Variants in NTRK3 observed in about 807,000 individuals in gnomAD.
NTRK3 encodes the protein neurotrophic receptor tyrosine kinase 3.
A neutral mutation model predicts 91.7 loss-of-function variants in NTRK3; 24 were observed. The observed-to-expected ratio is 0.26, with a 90% CI of 0.19 to 0.37. The LOEUF (loss-of-function observed/expected upper bound fraction) is 0.37, where lower values mean the gene tolerates loss of function less well. NTRK3 is among the 10% of genes least tolerant of loss of function. NTRK3 has a pLI of 1.00. For missense variants in NTRK3, 880 were observed against 1,068.9 expected (o/e 0.82, Z 2.46); for synonymous variants, 483 against 404.0 (o/e 1.20, Z -2.34).
chr15:87,912,927 AAAAAATATATATATATAT>A (rs1317325368), intron 17 of NTRK3, among the ~76,000 whole-genome samples: 37 of 96,278 alleles, frequency 3.8e-4, no homozygotes, highest in African/African-American at 4.3e-4. Context: ...AAAAAGTAAA[AAAAAATATATATATATAT>A]ATATATATAT....
intron 13 of NTRK3, among the ~76,000 whole-genome samples, chr15:88,111,152 C>T (rs1286500592): frequency 6.6e-6 from 1 of 152,142 alleles, no homozygotes; most frequent in Admixed American, 6.5e-5. Context: ...TGGTTTGGGG[C>T]TCAATGGCTG....
intron 17 of NTRK3, among the ~76,000 whole-genome samples, chr15:87,896,473 GA>G (rs377592642): frequency 0.2 from 18,911 of 92,586 alleles, 1,260 homozygotes; most frequent in Non-Finnish European, 0.25. Flanking sequence ...CTGTCTCAAA[GA>G]AAAAAAAAAA....
chr15:87,881,547 G>C (rs563677405), intron 17 of NTRK3, among the ~76,000 whole-genome samples: 1 of 151,884 alleles, frequency 6.6e-6, no homozygotes, highest in Non-Finnish European at 1.5e-5. Flanking sequence ...AGCCTCCCGA[G>C]TAGCTGGGAC....
intron 3 of NTRK3, among the ~76,000 whole-genome samples, chr15:88,196,005 C>T (rs1395121222): frequency 1.3e-5 from 2 of 152,192 alleles, no homozygotes; most frequent in African/African-American, 2.4e-5. Context: ...GCATGGAGGA[C>T]TTAATTCACT....
At chr15:88,071,387 T>C (rs2047077575) in intron 13 of NTRK3, among the ~76,000 whole-genome samples, 1 of 152,254 alleles carries the variant, frequency 6.6e-6, no homozygotes, top group South Asian at 2.1e-4. Flanking sequence ...CTGTCACTTC[T>C]GTTTGGGTTT....
chr15:88,030,407 A>C (rs2078418410), intron 14 of NTRK3, among the ~76,000 whole-genome samples: 1 of 152,154 alleles, frequency 6.6e-6, no homozygotes, highest in Non-Finnish European at 1.5e-5. Flanking sequence ...CCAGGCTTCC[A>C]TGGGGACACT....
At chr15:87,963,788 A>T (rs892862975) in intron 14 of NTRK3, among the ~76,000 whole-genome samples, 1 of 152,198 alleles carries the variant, frequency 6.6e-6, no homozygotes, top group African/African-American at 2.4e-5. Context: ...CTCTTGGGGT[A>T]CACATTGGTA....
intron 14 of NTRK3, 92 bp from the exon 15 acceptor site, chr15:87,940,845 C>T: frequency 6.3e-7 from 1 of 1,592,152 alleles, no homozygotes; most frequent in Non-Finnish European, 8.6e-7. Flanking sequence ...GCGTGGAGAA[C>T]TTGGTTCTGA....
intron 14 of NTRK3, among the ~76,000 whole-genome samples, chr15:87,982,416 A>G (rs1371055052): frequency 1.3e-5 from 2 of 152,222 alleles, no homozygotes; most frequent in Admixed American, 6.5e-5. Flanking sequence ...GCATTTCCAA[A>G]GAAGGCCTTA....
chr15:87,897,383 A>G (rs1472182584), intron 17 of NTRK3, among the ~76,000 whole-genome samples: 2 of 152,202 alleles, frequency 1.3e-5, no homozygotes, highest in African/African-American at 4.8e-5. Flanking sequence ...TAGAGCAGAC[A>G]TTTCAACTCC....
intron 14 of NTRK3, among the ~76,000 whole-genome samples, chr15:88,018,784 T>C (rs576145666): frequency 2.5e-4 from 38 of 152,298 alleles, no homozygotes; most frequent in African/African-American, 8.4e-4. Context: ...TTTAAACTGA[T>C]TTTGGTGCCT....
chr15:87,983,618 A>G (rs757454390), intron 14 of NTRK3, among the ~76,000 whole-genome samples: 1 of 152,204 alleles, frequency 6.6e-6, no homozygotes, highest in Non-Finnish European at 1.5e-5. Context: ...CCTTTATAAT[A>G]TGGAAAAACA....
intron 10 of NTRK3, among the ~76,000 whole-genome samples, chr15:88,131,498 C>T (rs971359004): frequency 6.6e-6 from 1 of 152,134 alleles, no homozygotes; most frequent in African/African-American, 2.4e-5. Flanking sequence ...ACCCTTCGTG[C>T]CAACACCCTC....
At chr15:88,081,355 C>T (rs929420971) in intron 13 of NTRK3, among the ~76,000 whole-genome samples, 5 of 152,156 alleles carry the variant, frequency 3.3e-5, no homozygotes, top group African/African-American at 4.8e-5. Flanking sequence ...CCCCTGCCAC[C>T]ACTCCCATCC....
intron 17 of NTRK3, 164 bp downstream of exon 17, chr15:87,929,027 T>C: frequency 1.1e-6 from 1 of 902,574 alleles, no homozygotes. Context: ...TAAACAGGTA[T>C]GTCAAGATGC....
At chr15:88,128,591 T>C (rs2053521837) in intron 11 of NTRK3, 120 bp downstream of exon 11, 4 of 1,032,192 alleles carry the variant, frequency 3.9e-6, no homozygotes, top group Non-Finnish European at 6.1e-6. Flanking sequence ...TTCACTCAGA[T>C]GCCCTCAGCT....
chr15:88,021,937 TC>T (rs1277000592), intron 14 of NTRK3, among the ~76,000 whole-genome samples: 1 of 152,056 alleles, frequency 6.6e-6, no homozygotes, highest in Non-Finnish European at 1.5e-5. Context: ...GAGAAGGAGA[TC>T]TTTTTCCCTT....
At chr15:87,870,024 C>G (rs952706800) in exon 19 of NTRK3, 3 of 192,136 alleles carry the variant, frequency 1.6e-5, no homozygotes, top group Non-Finnish European at 3.3e-5. Flanking sequence ...AATCCCGCAG[C>G]CCTATTACTG....
chr15:87,900,709 G>GTGTT (rs1324167150), intron 17 of NTRK3, among the ~76,000 whole-genome samples: 1 of 151,398 alleles, frequency 6.6e-6, no homozygotes, highest in Non-Finnish European at 1.5e-5. Flanking sequence ...GTGTGTGTGT[G>GTGTT]TGTGTGTGTG....
Sources: allele counts gnomAD v4.1 joint callset (sites outside exome capture counted in the v4.1 genomes callset), GRCh38; gene constraint gnomAD v4.1.1; transcripts MANE v1.5; gene names NCBI Gene and HGNC (gene_info 2026-07-23, HGNC 2026-07-21).